VPS26C: variants seen among roughly 807,000 people sequenced by gnomAD.
VPS26C encodes VPS26 endosomal protein sorting factor C.
Under a neutral mutation model 30.6 loss-of-function variants are expected in VPS26C, and 19 were observed. That is an observed-to-expected ratio of 0.62 (90% CI 0.43 to 0.91). The LOEUF is 0.91. VPS26C is among the 40% of genes least tolerant of loss of function. VPS26C has a pLI of 0.00. For missense variants in VPS26C, 318 were observed against 385.1 expected (o/e 0.83, Z 1.46); for synonymous variants, 132 against 151.5 (o/e 0.87, Z 0.95).
chr21:37,245,334 C>T (rs2089896167), intron 1 of VPS26C, among the ~76,000 whole-genome samples: 1 of 152,194 alleles, frequency 6.6e-6, no homozygotes, highest in African/African-American at 2.4e-5. Context: ...CCTCTCCTTA[C>T]CTGACGGCCC....
At chr21:37,255,868 T>TTTTTTTTTTTTTTTTTTTTTTTTC (rs2086237789) in intron 1 of VPS26C, among the ~76,000 whole-genome samples, 1 of 148,596 alleles carries the variant, frequency 6.7e-6, no homozygotes, top group Non-Finnish European at 1.5e-5. Flanking sequence ...TTTTTTTTTT[T>TTTTTTTTTTTTTTTTTTTTTTTTC]TTTTAGATAG....
chr21:37,233,835 A>G lies in VPS26C; in HGVS notation c.352-393T>C, dbSNP rs767739182. 3.9e-5 allele frequency among the ~76,000 whole-genome samples: 6 copies of G among 152,206 alleles called. No individual in the cohort carries two copies. The highest frequency in any genetic ancestry group is 5.9e-5 in the Non-Finnish European group (4 of 68,032). ...TACTGTGCGAGCCCAGACAGATAAC[A>G]CAACTTGTCTGAGCTTCTGCTTCCC... On this transcript the variant is annotated intron_variant, in intron 3 of 7. Coordinates refer to ENST00000309117, the MANE Select transcript of VPS26C (RefSeq NM_006052.2). The surrounding 1 kb of genome is among the most constrained non-coding windows in gnomAD (Gnocchi z 5.2).
At chr21:37,245,761 G>C (rs1485476039) in intron 1 of VPS26C, among the ~76,000 whole-genome samples, 1 of 152,080 alleles carries the variant, frequency 6.6e-6, no homozygotes, top group Non-Finnish European at 1.5e-5. Flanking sequence ...AATGGTGAAT[G>C]TGCATTTCAC....
chr21:37,243,455 C>T (rs1436482555), intron 1 of VPS26C, among the ~76,000 whole-genome samples: 1 of 152,170 alleles, frequency 6.6e-6, no homozygotes, highest in Non-Finnish European at 1.5e-5. Context: ...GAGGAAGAGG[C>T]GCAGCCCCGT....
chr21:37,251,283 C>T (rs1321666333), intron 1 of VPS26C, among the ~76,000 whole-genome samples: 2 of 152,140 alleles, frequency 1.3e-5, no homozygotes, highest in Non-Finnish European at 2.9e-5. Context: ...TTGTAAATAA[C>T]AAAAGATGGT....
chr21:37,232,311 A>T, intron 5 of VPS26C, 66 bp downstream of exon 5: 1 of 1,381,344 alleles, frequency 7.2e-7, no homozygotes, highest in Non-Finnish European at 1.0e-6. Context: ...CCCGGGCAAT[A>T]GCTAGTCCGT....
intron 1 of VPS26C, among the ~76,000 whole-genome samples, chr21:37,251,212 CA>C (rs1321741905): frequency 6.6e-6 from 1 of 152,208 alleles, no homozygotes; most frequent in Non-Finnish European, 1.5e-5. Flanking sequence ...CACATGGGCC[CA>C]GCAGATACAT....
rs755173385 is a variant in VPS26C, at chr21:37,225,591, C to G, written c.847G>C (p.Asp283His). The G allele has an allele frequency of 6.2e-7, 1 of 1,614,096 alleles. No homozygotes were observed. The highest frequency in any genetic ancestry group is 1.7e-5 in the Admixed American group (1 of 60,020). ...EVNIVVLLHP[D>H]HLITENFPLK... ...GGGAAGTTCTCCGTGATGAGGTGGT[C>G]AGGGTGAAGCAGCACCACGATGTTA... The change falls in exon 8 of 8, where the codon GAC becomes CAC. Residue 283 changes from aspartate to histidine, a missense_variant. Physicochemically the swap from Asp to His is moderately conservative, Grantham distance 81. Transcript: ENST00000309117.
chr21:37,246,677 A>T (rs1602276974), intron 1 of VPS26C, among the ~76,000 whole-genome samples: 1 of 152,258 alleles, frequency 6.6e-6, no homozygotes, highest in African/African-American at 2.4e-5. Context: ...TGGGAGACTA[A>T]GAGAACTAGA....
chr21:37,244,258 AT>A (rs2086115655), intron 1 of VPS26C, among the ~76,000 whole-genome samples: 1 of 152,162 alleles, frequency 6.6e-6, no homozygotes, highest in Non-Finnish European at 1.5e-5. Flanking sequence ...CTAACTTTGT[AT>A]TCTCTTTTTT....
chr21:37,238,357 G>C (rs2086046230), intron 3 of VPS26C, 103 bp downstream of exon 3: 2 of 1,328,788 alleles, frequency 1.5e-6, no homozygotes, highest in Non-Finnish European at 2.1e-6. Context: ...AATAAACACA[G>C]TATTAAATTC....
In VPS26C at chr21:37,233,953, A is replaced by G. The variant is rs1208096000; in HGVS notation, c.352-511T>C. ...CTCAGCACAGGGCTGGCACAAAGCA[A>G]TGCTGGAAAACAGCAGCTACTTTGT... On this transcript the variant is annotated intron_variant, in intron 3 of 7. Transcript: ENST00000309117. This position sits in a 1 kb window ranked among gnomAD's most constrained non-coding sequence, Gnocchi z 5.2. 6.6e-6 allele frequency among the ~76,000 whole-genome samples: 1 copy of G among 152,246 alleles called. No individual in the cohort carries two copies. The highest frequency in any genetic ancestry group is 2.1e-4 in the South Asian group (1 of 4,832).
chr21:37,248,638 A>C (rs2148298788), intron 1 of VPS26C, among the ~76,000 whole-genome samples: 1 of 152,076 alleles, frequency 6.6e-6, no homozygotes, highest in South Asian at 2.1e-4. Context: ...ACAGCTTCAC[A>C]GGAGATCATT....
intron 1 of VPS26C, among the ~76,000 whole-genome samples, chr21:37,266,360 T>G (rs2148315397): frequency 6.6e-6 from 1 of 152,332 alleles, no homozygotes. Flanking sequence ...CTTTTGAGAT[T>G]ACTTTGCATT....
chr21:37,242,525 A>G (rs754293498), intron 1 of VPS26C, among the ~76,000 whole-genome samples: 9 of 152,172 alleles, frequency 5.9e-5, no homozygotes, highest in Non-Finnish European at 8.8e-5. Context: ...GGTGAAGGCT[A>G]CAGTGAGCCA....
At chr21:37,228,129 G>T (rs2085922021) in intron 6 of VPS26C, 94 bp downstream of exon 6, 6 of 1,512,490 alleles carry the variant, frequency 4.0e-6, no homozygotes, top group Middle Eastern at 2.4e-4. Context: ...GTGCGCCACT[G>T]TGCCCAGCCC....
At chr21:37,265,320 A>G (rs574792953) in intron 1 of VPS26C, among the ~76,000 whole-genome samples, 1 of 152,346 alleles carries the variant, frequency 6.6e-6, no homozygotes, top group South Asian at 2.1e-4. Context: ...AAAAGAATAC[A>G]AAGTAGACCC....
intron 1 of VPS26C, among the ~76,000 whole-genome samples, chr21:37,245,484 G>A (rs1420446916): frequency 6.6e-6 from 1 of 152,070 alleles, no homozygotes; most frequent in Non-Finnish European, 1.5e-5. Context: ...TGCAGGACTC[G>A]GTTCCGTGAG....
chr21:37,265,242 A>C (rs1466420631), intron 1 of VPS26C, among the ~76,000 whole-genome samples: 2 of 152,210 alleles, frequency 1.3e-5, no homozygotes, highest in Admixed American at 1.3e-4. Context: ...ACACTAAAAA[A>C]CTACTGAATT....
Sources: allele counts gnomAD v4.1 joint callset (sites outside exome capture counted in the v4.1 genomes callset), GRCh38; gene constraint gnomAD v4.1.1; non-coding constraint Gnocchi (gnomAD v3.1); transcripts MANE v1.5; gene names NCBI Gene and HGNC (gene_info 2026-07-23, HGNC 2026-07-21).